The following TNS3 variants were observed in gnomAD, a reference collection of about 807,000 sequenced individuals.
TNS3 encodes the protein tensin 3.
A neutral mutation model predicts 140.9 loss-of-function variants in TNS3; 45 were observed. The observed-to-expected ratio is 0.32, with a 90% CI of 0.25 to 0.41. The LOEUF (loss-of-function observed/expected upper bound fraction) is 0.41. Among genes scored for constraint, TNS3 ranks in the 10% least tolerant of loss-of-function variants. TNS3 has a pLI of 1.00. For synonymous variants in TNS3, 815 were observed against 788.4 expected, an observed-to-expected ratio of 1.03 and a Z score of -0.56; for missense variants, 1,716 against 1,906.7, an observed-to-expected ratio of 0.90 and a Z score of 1.86.
intron 20 of TNS3, among the ~76,000 whole-genome samples, chr7:47,334,772 C>T (rs1788537439): frequency 1.3e-5 from 2 of 152,006 alleles, no homozygotes; most frequent in African/African-American, 4.8e-5. Flanking sequence ...CCATGCCCAG[C>T]TAATTCTTGC....
chr7:47,299,149 T>C (rs985379096), intron 23 of TNS3, among the ~76,000 whole-genome samples: 20 of 152,214 alleles, frequency 1.3e-4, no homozygotes, highest in African/African-American at 4.8e-4. Flanking sequence ...AATTTTTATT[T>C]TTTTGAGATA....
At chr7:47,302,571 A>G (rs1786469098) in intron 22 of TNS3, among the ~76,000 whole-genome samples, 1 of 152,232 alleles carries the variant, frequency 6.6e-6, no homozygotes, top group South Asian at 2.1e-4. Context: ...CATAGACCAC[A>G]CTGCTTCTTA....
At chr7:47,366,770 A>G (rs1790731693) in intron 17 of TNS3, among the ~76,000 whole-genome samples, 1 of 89,104 alleles carries the variant, frequency 1.1e-5, no homozygotes, top group Admixed American at 1.2e-4. Flanking sequence ...CACCTCCATC[A>G]ACACGACTGT....
rs1463675031 is a variant in TNS3 at position 47,556,220 on chromosome 7, A to G, written c.-265+25831T>C. On this transcript the variant is annotated intron_variant, in intron 1 of 30. Coordinates refer to ENST00000311160, the MANE Select transcript of TNS3 (RefSeq NM_022748.12). ...TAACCCTGTTGACAATTGAGCAGTA[A>G]GAGGTTCTAGTAAACTGCAGAAGAT... 2.6e-5 allele frequency among the ~76,000 whole-genome samples: 4 copies of G among 152,248 alleles called. No individual in the cohort carries two copies. The East Asian group carries it at 7.7e-4, about 29-fold the overall frequency.
At chr7:47,342,055 A>T (rs1162919949) in intron 20 of TNS3, among the ~76,000 whole-genome samples, 11 of 151,972 alleles carry the variant, frequency 7.2e-5, no homozygotes, top group Non-Finnish European at 1.2e-4. Flanking sequence ...TAGTGAGTCC[A>T]TTGTGGTTGG....
chr7:47,293,661 CAGG>C, intron 25 of TNS3, 69 bp downstream of exon 25: 1 of 1,356,458 alleles, frequency 7.4e-7, no homozygotes. Context: ...TCCCAAATCT[CAGG>C]TTGGTGAGCA....
intron 10 of TNS3, among the ~76,000 whole-genome samples, chr7:47,423,382 AG>A (rs1794481467): frequency 6.6e-6 from 1 of 152,196 alleles, no homozygotes; most frequent in South Asian, 2.1e-4. Flanking sequence ...ACTGCCTCTC[AG>A]CCAGCCCTGC....
intron 9 of TNS3, among the ~76,000 whole-genome samples, chr7:47,424,757 G>A (rs1264109293): frequency 1.3e-5 from 2 of 152,226 alleles, no homozygotes; most frequent in African/African-American, 4.8e-5. Flanking sequence ...GGCTTGAGAA[G>A]GCTGTAGGGC....
intron 16 of TNS3, among the ~76,000 whole-genome samples, chr7:47,390,059 G>A (rs1792421445): frequency 6.6e-6 from 1 of 152,196 alleles, no homozygotes. Flanking sequence ...ACCATGCAAA[G>A]AGCCCTGGAG....
At chr7:47,496,689 C>T (rs779710868) in intron 3 of TNS3, among the ~76,000 whole-genome samples, 11 of 152,266 alleles carry the variant, frequency 7.2e-5, no homozygotes, top group East Asian at 1.9e-4. Flanking sequence ...GTGAGAGAGG[C>T]GGAGGGCTGG....
chr7:47,509,499 C>T (rs1378622619), intron 2 of TNS3, among the ~76,000 whole-genome samples: 1 of 152,154 alleles, frequency 6.6e-6, no homozygotes, highest in Admixed American at 6.5e-5. Context: ...TCGTAAGCAC[C>T]TCTCGGGGAG....
At chr7:47,378,116 C>A (rs781361036) in intron 16 of TNS3, among the ~76,000 whole-genome samples, 1 of 152,148 alleles carries the variant, frequency 6.6e-6, no homozygotes, top group Admixed American at 6.6e-5. Context: ...GCTCCCAGGA[C>A]CACTGGGATT....
intron 20 of TNS3, among the ~76,000 whole-genome samples, chr7:47,340,068 C>G (rs59457874): frequency 0.02 from 2,122 of 105,608 alleles, 68 homozygotes; most frequent in African/African-American, 0.069. Flanking sequence ...TATATACATA[C>G]GAATATATGT....
At chr7:47,524,672 G>A (rs1487687844) in intron 2 of TNS3, among the ~76,000 whole-genome samples, 1 of 149,650 alleles carries the variant, frequency 6.7e-6, no homozygotes, top group Non-Finnish European at 1.5e-5. Context: ...CGCGGTGGCG[G>A]GCGCCTGTAG....
chr7:47,371,815 G>T (rs1468985320), intron 16 of TNS3, among the ~76,000 whole-genome samples: 3 of 152,246 alleles, frequency 2.0e-5, no homozygotes, highest in Non-Finnish European at 2.9e-5. Context: ...TCTGGCATCA[G>T]ATGGACACTG....
At position 47,403,803 on chromosome 7, in the gene TNS3, A is replaced by G. The variant is rs577690284; in HGVS notation, c.724-2889T>C. Among the ~76,000 whole-genome samples, 27 of 152,336 alleles carry G rather than the reference A, an allele frequency of 1.8e-4. 1 individual carries two copies. In the South Asian group the frequency reaches 4.8e-3, roughly 27 times the overall value. On this transcript the variant is annotated intron_variant, in intron 13 of 30. Coordinates refer to ENST00000311160, the MANE Select transcript of TNS3 (RefSeq NM_022748.12). ...GAGCCCTCCATAGTGTGCAATAATTATGCATTATCTACATCAACAAATCTT... is the reference window on the plus strand; with the variant it reads ...GAGCCCTCCATAGTGTGCAATAATTGTGCATTATCTACATCAACAAATCTT...
intron 3 of TNS3, among the ~76,000 whole-genome samples, chr7:47,494,660 G>A (rs1443428763): frequency 1.3e-5 from 2 of 152,092 alleles, no homozygotes; most frequent in Non-Finnish European, 2.9e-5. Flanking sequence ...TGGAGTTGAG[G>A]GTGCACAGAC....
At chr7:47,292,104 C>T in intron 26 of TNS3, 72 bp from the exon 27 acceptor site, 2 of 1,458,236 alleles carry the variant, frequency 1.4e-6, no homozygotes, top group East Asian at 2.3e-5. Flanking sequence ...CAAAGTTAGA[C>T]AATTTGATGA....
Position 47,439,051 on chromosome 7 carries a change from G to A in TNS3, c.150+436C>T, listed in dbSNP as rs75675493. 7.1e-3 allele frequency among the ~76,000 whole-genome samples: 1,089 copies of A among 152,334 alleles called. 21 individuals carry two copies. The highest frequency in any genetic ancestry group is 0.024 in the African/African-American group (1,017 of 41,574). Reference sequence around the variant, plus strand: ...ACAAGTGTGTTTTGAAAATCAAGCTGTCTCCTTGTCTCCAGGGCAGCCCCT... The same window carrying A: ...ACAAGTGTGTTTTGAAAATCAAGCTATCTCCTTGTCTCCAGGGCAGCCCCT... On this transcript the variant is annotated intron_variant, in intron 6 of 30. Transcript: ENST00000311160.
Sources: allele counts gnomAD v4.1 joint callset (sites outside exome capture counted in the v4.1 genomes callset), GRCh38; gene constraint gnomAD v4.1.1; transcripts MANE v1.5; gene names NCBI Gene and HGNC (gene_info 2026-07-23, HGNC 2026-07-21).